Variants in IRAK2 observed in about 807,000 individuals in gnomAD.
IRAK2 encodes the protein interleukin 1 receptor associated kinase 2.
In IRAK2, 57 loss-of-function variants were observed where a neutral mutation model predicts 72.0. The observed-to-expected ratio is 0.79, with a 90% CI of 0.64 to 0.99. The LOEUF is 0.99. IRAK2 is among the 50% of genes least tolerant of loss of function. The probability of loss-of-function intolerance (pLI) is 0.00; values close to 1 mark genes in which losing one functional copy is unlikely to be tolerated. For missense variants in IRAK2, 790 were observed against 794.4 expected (o/e 0.99, Z 0.07); for synonymous variants, 293 against 312.7 (o/e 0.94, Z 0.67).
chr3:10,194,380 G>A (rs1697232067), intron 2 of IRAK2, among the ~76,000 whole-genome samples: 2 of 152,218 alleles, frequency 1.3e-5, no homozygotes, highest in Admixed American at 1.3e-4. Flanking sequence ...ATCCTGGGAG[G>A]AAAGAGTGCT....
At position 10,214,540 on chromosome 3, in the gene IRAK2, C is replaced by CTT. The variant is rs71055807; in HGVS notation, c.788+1004_788+1005dup. On this transcript the variant is annotated intron_variant, in intron 6 of 12. Transcript: ENST00000256458. ...GCCACTGTGCCCTGCCATGTGTGTGCTTTTTTTTTTTTTAATTATTTTTCA... is the reference window on the plus strand; with the variant it reads ...GCCACTGTGCCCTGCCATGTGTGTGCTTTTTTTTTTTTTTTAATTATTTTTCA... 1.5e-3 allele frequency among the ~76,000 whole-genome samples: 211 copies of CTT among 141,008 alleles called. 1 individual carries two copies. The highest frequency in any genetic ancestry group is 1.8e-3 in the Non-Finnish European group (118 of 65,116). 92.5% of individuals were successfully genotyped at this position (141,008 alleles called of 152,430 possible).
intron 9 of IRAK2, among the ~76,000 whole-genome samples, chr3:10,223,707 G>A (rs1174407227): frequency 6.6e-6 from 1 of 152,228 alleles, no homozygotes; most frequent in Non-Finnish European, 1.5e-5. Flanking sequence ...CAGAATATCT[G>A]TCCTTGTCAG....
chr3:10,205,234 G>C (rs1447580470), intron 3 of IRAK2, among the ~76,000 whole-genome samples: 1 of 152,052 alleles, frequency 6.6e-6, no homozygotes, highest in Non-Finnish European at 1.5e-5. Context: ...TTATGGTTGT[G>C]AGTTTCTCCT....
rs1281585126 is a variant in IRAK2 at position 10,165,618 on chromosome 3, C to A, written c.94+570C>A. 6.6e-5 allele frequency among the ~76,000 whole-genome samples: 10 copies of A among 151,940 alleles called. No individual in the cohort carries two copies. The East Asian group carries it at 1.4e-3, about 21-fold the overall frequency. On this transcript the variant is annotated intron_variant, in intron 1 of 12. Transcript: ENST00000256458. ...TCAAGCGATTTTCCTGCCTCGGCCT[C>A]CCGAGTAGCTGGGATTACAGGCGCC...
In IRAK2 at chr3:10,235,137, A is replaced by G. The variant is rs372685043; in HGVS notation, c.1473+478A>G. On this transcript the variant is annotated intron_variant, in intron 11 of 12. Coordinates refer to ENST00000256458, the MANE Select transcript of IRAK2 (RefSeq NM_001570.4). ...TGCAAACCGGGCTGCCCAGGGCTCC[A>G]TCCCTGGATGGTGTCGGCGCCAGGT... is the stretch of plus-strand genomic sequence containing the variant. Among the ~76,000 whole-genome samples, 159 of 152,290 alleles carry G rather than the reference A, an allele frequency of 1.0e-3. 4 individuals carry two copies. In the South Asian group the frequency reaches 0.032, roughly 30 times the overall value.
intron 6 of IRAK2, among the ~76,000 whole-genome samples, chr3:10,213,922 C>A (rs766593075): frequency 6.8e-5 from 10 of 146,740 alleles, no homozygotes; most frequent in Middle Eastern, 3.6e-3. Flanking sequence ...TTTTTTTTTT[C>A]TTTTCTTTTC....
At chr3:10,221,151 G>A (rs1479222266) in intron 8 of IRAK2, among the ~76,000 whole-genome samples, 4 of 150,736 alleles carry the variant, frequency 2.7e-5, no homozygotes, top group Non-Finnish European at 5.9e-5. Flanking sequence ...CCAGCACTTT[G>A]GGTGGCCAAG....
chr3:10,241,666 C>T (rs1351132969), intron 12 of IRAK2, among the ~76,000 whole-genome samples: 4 of 151,108 alleles, frequency 2.6e-5, no homozygotes, highest in Non-Finnish European at 4.4e-5. Flanking sequence ...TTCGGGAGGC[C>T]GAGGCGGGTG....
At chr3:10,172,731 G>A (rs576533027) in intron 1 of IRAK2, among the ~76,000 whole-genome samples, 12 of 149,474 alleles carry the variant, frequency 8.0e-5, no homozygotes, top group African/African-American at 2.7e-4. Context: ...CCAGCTACTC[G>A]GGAGGCTGAG....
chr3:10,233,810 T>TCA (rs1467960233), intron 10 of IRAK2, among the ~76,000 whole-genome samples: 7 of 152,192 alleles, frequency 4.6e-5, no homozygotes, highest in Non-Finnish European at 8.8e-5. Context: ...GTGCTTTAGG[T>TCA]GCACTGTTTC....
rs1295316128 is a variant in IRAK2, at chr3:10,240,419, T to C, written c.1765+1380T>C. ...CTGCAGTGAGCCGAGATTGCACCAC[T>C]GCACTCCAGCCTGGGTGACAGAGGA... On this transcript the variant is annotated intron_variant, in intron 12 of 12. Coordinates refer to ENST00000256458, the MANE Select transcript of IRAK2 (RefSeq NM_001570.4). Among the ~76,000 whole-genome samples, 4 of 148,964 alleles carry C rather than the reference T, an allele frequency of 2.7e-5. No individual in the cohort carries two copies. In the East Asian group the frequency reaches 8.1e-4, roughly 30 times the overall value.
intron 10 of IRAK2, 53 bp downstream of exon 10, chr3:10,226,486 T>A (rs1575986382): frequency 6.9e-7 from 1 of 1,448,358 alleles, no homozygotes; most frequent in Non-Finnish European, 9.6e-7. Context: ...CTCACAGCTC[T>A]GTAGAGAGGG....
intron 2 of IRAK2, among the ~76,000 whole-genome samples, chr3:10,194,629 C>A (rs1697236189): frequency 6.6e-6 from 1 of 152,124 alleles, no homozygotes; most frequent in Admixed American, 6.6e-5. Flanking sequence ...TTCTAGCTAG[C>A]AGGGAGCAGG....
intron 9 of IRAK2, among the ~76,000 whole-genome samples, chr3:10,225,269 C>CTG (rs1697755872): frequency 6.6e-6 from 1 of 152,130 alleles, no homozygotes; most frequent in South Asian, 2.1e-4. Flanking sequence ...GGTCTTCACA[C>CTG]CTTTAATATT....
intron 6 of IRAK2, among the ~76,000 whole-genome samples, chr3:10,215,286 C>T (rs1332853488): frequency 6.7e-6 from 1 of 149,584 alleles, no homozygotes; most frequent in African/African-American, 2.5e-5. Context: ...CCCAGCTACT[C>T]AGGAGGCTGA....
At chr3:10,188,700 A>G (rs1351851278) in intron 2 of IRAK2, among the ~76,000 whole-genome samples, 5 of 152,080 alleles carry the variant, frequency 3.3e-5, no homozygotes, top group South Asian at 2.1e-4. Context: ...CTTATTTTGT[A>G]TTTTTAGTAG....
chr3:10,192,023 A>AGTGTGTGTGTGTGTGTGTGT (rs56802078), intron 2 of IRAK2, among the ~76,000 whole-genome samples: 30 of 135,796 alleles, frequency 2.2e-4, no homozygotes, highest in Middle Eastern at 3.6e-3. Flanking sequence ...TTGAGTTGGG[A>AGTGTGTGTGTGTGTGTGTGT]GTGTGTGTGT....
chr3:10,238,550 G>A (rs1698001722), intron 11 of IRAK2, among the ~76,000 whole-genome samples, 198 bp from the exon 12 acceptor site: 1 of 152,154 alleles, frequency 6.6e-6, no homozygotes, highest in Non-Finnish European at 1.5e-5. Flanking sequence ...GTTGGGTCAC[G>A]CCGTCTCATC....
chr3:10,238,951 G>A lies in IRAK2; in HGVS notation c.1677G>A (p.Glu559=), dbSNP rs780072057. ...CTGCCACCCCACTTCTCCCCACAGA[G>A]AATGGGGAAGGAAGGCTGCGGGTCA... ...AGAATPLLPT[E]NGEGRLRVIV... Residue 559 remains glutamate (E), a synonymous_variant, in exon 12 of 13, where the codon GAG becomes GAA. Transcript: ENST00000256458. 7 of 1,614,020 alleles carry A rather than the reference G, an allele frequency of 4.3e-6. No individual in the cohort carries two copies. The highest frequency in any genetic ancestry group is 5.9e-6 in the Non-Finnish European group (7 of 1,179,910).
Sources: allele counts gnomAD v4.1 joint callset (sites outside exome capture counted in the v4.1 genomes callset), GRCh38; gene constraint gnomAD v4.1.1; transcripts MANE v1.5; gene names NCBI Gene and HGNC (gene_info 2026-07-23, HGNC 2026-07-21).